The following ST6GALNAC3 variants were observed in gnomAD, a reference collection of about 807,000 sequenced individuals.
The protein encoded by ST6GALNAC3 is alpha-N-acetylgalactosaminide alpha-2,6-sialyltransferase 3.
A neutral mutation model predicts 32.7 loss-of-function variants in ST6GALNAC3; 25 were observed. The observed-to-expected ratio is 0.76, with a 90% CI of 0.56 to 1.07. ST6GALNAC3 has a LOEUF of 1.07. Ranked by LOEUF, ST6GALNAC3 falls within the 50% of genes least tolerant of loss-of-function variation. The pLI is 0.00. For synonymous variants in ST6GALNAC3, 129 were observed against 133.1 expected (o/e 0.97, Z 0.21); for missense variants, 355 against 382.4 (o/e 0.93, Z 0.60).
chr1:76,156,543 TG>T (rs138094433), intron 1 of ST6GALNAC3, among the ~76,000 whole-genome samples: 19,348 of 151,788 alleles, frequency 0.13, 1,567 homozygotes, highest in Non-Finnish European at 0.18. Context: ...AGATTTTGTT[TG>T]GTTTTTTTTT....
At chr1:76,281,729 G>T (rs545950861) in intron 1 of ST6GALNAC3, among the ~76,000 whole-genome samples, 4 of 152,308 alleles carry the variant, frequency 2.6e-5, no homozygotes, top group East Asian at 1.9e-4. Flanking sequence ...CCTTGGGAAG[G>T]TCTCAAAGTT....
At chr1:76,255,128 C>A (rs1657846955) in intron 1 of ST6GALNAC3, among the ~76,000 whole-genome samples, 1 of 151,656 alleles carries the variant, frequency 6.6e-6, no homozygotes, top group Non-Finnish European at 1.5e-5. Context: ...TCTGTTAGAG[C>A]CAGGAGCCTA....
chr1:76,494,464 TATATACACAC>T (rs1660698945), intron 3 of ST6GALNAC3, among the ~76,000 whole-genome samples: 1 of 73,258 alleles, frequency 1.4e-5, no homozygotes, highest in African/African-American at 5.3e-5. Context: ...TATATATATA[TATATACACAC>T]ACACACACAC....
intron 2 of ST6GALNAC3, among the ~76,000 whole-genome samples, chr1:76,351,333 TAACATTTTCA>T (rs1037047314): frequency 6.6e-6 from 1 of 152,194 alleles, no homozygotes; most frequent in African/African-American, 2.4e-5. Context: ...ATTTCATTTA[TAACATTTTCA>T]AACATTTTCA....
chr1:76,335,925 T>C (rs1647435420), intron 2 of ST6GALNAC3, among the ~76,000 whole-genome samples: 1 of 152,208 alleles, frequency 6.6e-6, no homozygotes, highest in Non-Finnish European at 1.5e-5. Flanking sequence ...GTTTTCCTCT[T>C]CTTGCTTGCT....
chr1:76,536,963 G>A (rs749517994), intron 3 of ST6GALNAC3, among the ~76,000 whole-genome samples: 14 of 152,256 alleles, frequency 9.2e-5, no homozygotes, highest in Middle Eastern at 3.4e-3. Flanking sequence ...TTCAGGACTC[G>A]AACTCAGCTC....
At chr1:76,313,318 T>G (rs1646803531) in intron 1 of ST6GALNAC3, among the ~76,000 whole-genome samples, 1 of 152,120 alleles carries the variant, frequency 6.6e-6, no homozygotes, top group Non-Finnish European at 1.5e-5. Context: ...TCCAGTTCTC[T>G]AAGAACTCAC....
chr1:76,636,064 G>C (rs1292043155), downstream of ST6GALNAC3, among the ~76,000 whole-genome samples: 3 of 152,098 alleles, frequency 2.0e-5, no homozygotes, highest in Non-Finnish European at 4.4e-5. Context: ...CCTTGTTCAA[G>C]CACTAGAAAC....
At chr1:76,580,976 G>T (rs954049936) in intron 3 of ST6GALNAC3, among the ~76,000 whole-genome samples, 1 of 152,108 alleles carries the variant, frequency 6.6e-6, no homozygotes, top group Admixed American at 6.6e-5. Flanking sequence ...ATGCCAAGAG[G>T]TTGAAATAAT....
At chr1:76,204,363 T>C (rs1654705122) in intron 1 of ST6GALNAC3, among the ~76,000 whole-genome samples, 1 of 152,166 alleles carries the variant, frequency 6.6e-6, no homozygotes, top group Non-Finnish European at 1.5e-5. Context: ...GTAGAGATAG[T>C]AGATGAAAAC....
intron 2 of ST6GALNAC3, among the ~76,000 whole-genome samples, chr1:76,389,724 A>G (rs1456611192): frequency 2.0e-5 from 3 of 152,242 alleles, no homozygotes; most frequent in Non-Finnish European, 4.4e-5. Flanking sequence ...AAGAAAATAT[A>G]ACACACATCA....
At chr1:76,543,690 C>T (rs1664126418) in intron 3 of ST6GALNAC3, among the ~76,000 whole-genome samples, 1 of 152,134 alleles carries the variant, frequency 6.6e-6, no homozygotes, top group Admixed American at 6.5e-5. Flanking sequence ...CCCACATTAG[C>T]TGATCTACTG....
At chr1:76,323,404 T>A (rs1382490383) in intron 2 of ST6GALNAC3, among the ~76,000 whole-genome samples, 1 of 152,234 alleles carries the variant, frequency 6.6e-6, no homozygotes, top group African/African-American at 2.4e-5. Context: ...CTGATTTAAC[T>A]AATTTTTCAA....
intron 1 of ST6GALNAC3, among the ~76,000 whole-genome samples, chr1:76,102,754 CATA>C (rs1007822093): frequency 1.8e-4 from 28 of 152,074 alleles, no homozygotes; most frequent in African/African-American, 6.7e-4. Flanking sequence ...TTTATTCAGT[CATA>C]ATTCATTTTG....
chr1:76,126,388 T>C (rs891700722), intron 1 of ST6GALNAC3, among the ~76,000 whole-genome samples: 1 of 151,974 alleles, frequency 6.6e-6, no homozygotes, highest in African/African-American at 2.4e-5. Flanking sequence ...CTTTCTTCTT[T>C]CTTTCTTTCT....
chr1:76,210,157 G>C (rs919560598), intron 1 of ST6GALNAC3, among the ~76,000 whole-genome samples: 2 of 151,816 alleles, frequency 1.3e-5, no homozygotes, highest in African/African-American at 4.8e-5. Context: ...ATGATTTGCT[G>C]CACCTATCAA....
At chr1:76,248,986 A>C (rs1489670794) in intron 1 of ST6GALNAC3, among the ~76,000 whole-genome samples, 1 of 152,214 alleles carries the variant, frequency 6.6e-6, no homozygotes, top group African/African-American at 2.4e-5. Flanking sequence ...TCTTTAGACT[A>C]GTGTTCCCCT....
chr1:76,321,729 A>G (rs1324812150), intron 2 of ST6GALNAC3, among the ~76,000 whole-genome samples: 1 of 152,188 alleles, frequency 6.6e-6, no homozygotes. Context: ...TTAGTAAACT[A>G]GCTTATCCTT....
At chr1:76,221,143 G>A (rs1455027781) in intron 1 of ST6GALNAC3, among the ~76,000 whole-genome samples, 2 of 152,126 alleles carry the variant, frequency 1.3e-5, no homozygotes, top group African/African-American at 2.4e-5. Context: ...AGTGATGGGT[G>A]GAATGGATGG....
Sources: gnomAD v4.1 joint callset for allele counts (sites outside exome capture counted in the v4.1 genomes callset) on GRCh38, gnomAD v4.1.1 for gene constraint, MANE v1.5 for transcripts, NCBI Gene and HGNC (gene_info 2026-07-23, HGNC 2026-07-21) for gene names.